The following LRP4 variants were observed in gnomAD, a reference collection of about 807,000 sequenced individuals.
LRP4 encodes the protein LDL receptor related protein 4, also known as low-density lipoprotein receptor-related protein 4.
Under a neutral mutation model 220.3 loss-of-function variants are expected in LRP4, and 95 were observed. The observed-to-expected ratio is 0.43, with a 90% CI of 0.37 to 0.51. LRP4 has a LOEUF of 0.51. Ranked by LOEUF, LRP4 falls within the 20% of genes least tolerant of loss-of-function variation. LRP4 has a pLI of 0.00. For missense variants in LRP4, 1,925 were observed against 2,567.0 expected (o/e 0.75, Z 5.40); for synonymous variants, 903 against 954.6 (o/e 0.95, Z 1.00).
chr11:46,879,041 G>A lies in LRP4; in HGVS notation c.3005-3C>T. 6.2e-7 allele frequency: 1 copy of A among 1,614,242 alleles called. No homozygotes were observed. On this transcript the variant is annotated splice_region_variant and splice_polypyrimidine_tract_variant and intron_variant, in intron 21 of 37. Transcript: ENST00000378623. ...CTCCATAGCACATGGTGTAGACACT[G>A]GGTAGAGAGGAGGGGATGTTCAATG...
intron 22 of LRP4, among the ~76,000 whole-genome samples, chr11:46,878,129 G>C (rs750684757): frequency 9.2e-5 from 14 of 152,040 alleles, no homozygotes; most frequent in Admixed American, 1.3e-4. Context: ...GGGTAGCCAG[G>C]TACTGCTTCT....
chr11:46,897,716 A>G (rs1407174407), intron 7 of LRP4, among the ~76,000 whole-genome samples: 2 of 152,072 alleles, frequency 1.3e-5, no homozygotes, highest in Non-Finnish European at 2.9e-5. Flanking sequence ...ACAGGATCCC[A>G]AGGCAGAAGA....
chr11:46,868,904 A>G, intron 32 of LRP4, 84 bp downstream of exon 32: 1 of 1,578,490 alleles, frequency 6.3e-7, no homozygotes. Flanking sequence ...TGTGGCCCTA[A>G]CTGTCTTGGT....
intron 16 of LRP4, among the ~76,000 whole-genome samples, chr11:46,887,483 G>A (rs909998462): frequency 2.0e-5 from 3 of 152,134 alleles, no homozygotes; most frequent in African/African-American, 7.2e-5. Flanking sequence ...GTCATTGCTT[G>A]GGCTCAGGAG....
At chr11:46,880,563 C>T (rs376250963) in intron 20 of LRP4, among the ~76,000 whole-genome samples, 1 of 152,086 alleles carries the variant, frequency 6.6e-6, no homozygotes, top group Non-Finnish European at 1.5e-5. Context: ...GTCGCAGTTA[C>T]AGTGGGCCAT....
rs4752946 is a variant in LRP4, at chr11:46,875,357, G to T, written c.3925+99C>A. ...GCTTAAACAGGTCACCGTCTTTCTG[G>T]CTGTAAAGGAGCTCTGTGCTCTGGA... On this transcript the variant is annotated intron_variant, in intron 27 of 37. Transcript: ENST00000378623. This position sits in a 1 kb window ranked among gnomAD's most constrained non-coding sequence, Gnocchi z 4.5. 1 of 1,133,236 alleles carries T rather than the reference G, an allele frequency of 8.8e-7. No homozygotes were observed. The highest frequency in any genetic ancestry group is 1.3e-6 in the Non-Finnish European group (1 of 767,412). 70.2% of individuals were successfully genotyped at this position (1,133,236 alleles called of 1,614,324 possible).
intron 1 of LRP4, among the ~76,000 whole-genome samples, chr11:46,910,045 G>A (rs1183990607): frequency 1.3e-5 from 2 of 152,156 alleles, no homozygotes; most frequent in Admixed American, 6.5e-5. Flanking sequence ...AACTTGGTTG[G>A]TTTGGAAAAT....
At chr11:46,889,861 AAG>A in intron 15 of LRP4, 81 bp downstream of exon 15, 1 of 1,483,948 alleles carries the variant, frequency 6.7e-7, no homozygotes, top group Non-Finnish European at 9.4e-7. Flanking sequence ...TGGCAACTCT[AAG>A]GGGAAGGAAG....
At position 46,875,064 on chromosome 11, in the gene LRP4, T is replaced by A; in HGVS notation, c.3965A>T (p.His1322Leu). The change falls in exon 28 of 38, where the codon CAC (histidine) becomes CTC (leucine). Residue 1322 changes from histidine to leucine, a missense_variant. By Grantham distance (99) the His-to-Leu change is moderately conservative. Transcript: ENST00000378623. This position sits in a 1 kb window ranked among gnomAD's most constrained non-coding sequence, Gnocchi z 4.5. Reference protein sequence around the residue: ...KCGSRNGGCSHLCLPRPSGFS... With the variant: ...KCGSRNGGCSLLCLPRPSGFS... ...GCCAGAAGGCCGAGGCAAGCAGAGG[T>A]GGGAGCAGCCGCCATTTCTCGAGCC... 4 of 1,608,366 alleles carry A rather than the reference T, an allele frequency of 2.5e-6. No individual in the cohort carries two copies. Among genetic ancestry groups the A allele is most frequent in the Non-Finnish European group, 3.4e-6 (4 of 1,178,682 alleles).
Position 46,868,097 on chromosome 11 carries a change from G to C in LRP4, c.4969C>G (p.Pro1657Ala), listed in dbSNP as rs1355733188. ...PCSLVPGLVPPAPRATGMSEK... is the reference protein window; with the variant it reads ...PCSLVPGLVPAAPRATGMSEK... ...CTCATGCCAGTAGCCCTAGGAGCTG[G>C]TGGTACCAGGCCAGGCACTAGACAA... The change falls in exon 34 of 38, where the codon CCA (proline) becomes GCA (alanine). Residue 1657 changes from proline to alanine, a missense_variant. By Grantham distance (27) the Pro-to-Ala change is conservative. Transcript: ENST00000378623. The C allele has an allele frequency of 6.2e-7, 1 of 1,614,118 alleles. No individual in the cohort carries two copies. The highest frequency in any genetic ancestry group is 1.7e-5 in the Admixed American group (1 of 60,010).
At chr11:46,868,890 C>A (rs2134777356) in intron 32 of LRP4, 98 bp downstream of exon 32, 3 of 1,532,530 alleles carry the variant, frequency 2.0e-6, no homozygotes, top group Non-Finnish European at 1.8e-6. Context: ...CCAAGAAGCT[C>A]TCTTGTGGCC....
In LRP4 at chr11:46,868,703, G is replaced by A; in HGVS notation, c.4848C>T (p.Ala1616=). The A allele has an allele frequency of 6.2e-7, 1 of 1,613,038 alleles. No individual in the cohort carries two copies. The highest frequency in any genetic ancestry group is 8.5e-7 in the Non-Finnish European group (1 of 1,178,994). Residue 1616 remains alanine, a synonymous_variant, in exon 33 of 38, where the codon GCC becomes GCT. Transcript: ENST00000378623. ...TGCAGCCACCATTGTTCACACCACAGGCATTGGTCCCTGGAGGCAAAGTAG... is the reference window on the plus strand; with the variant it reads ...TGCAGCCACCATTGTTCACACCACAAGCATTGGTCCCTGGAGGCAAAGTAG... ...VSPQRQTGTN[A]CGVNNGGCTH...
chr11:46,889,903 C>T (rs750640657), intron 15 of LRP4, 41 bp downstream of exon 15: 20 of 1,612,892 alleles, frequency 1.2e-5, no homozygotes, highest in Non-Finnish European at 1.5e-5. Context: ...GCCACCTCAA[C>T]CATGAGGCTA....
At position 46,856,783 on chromosome 11, in the gene LRP4, G is replaced by C. The variant is rs1326521192; in HGVS notation, c.*2200C>G. 1 of 152,516 alleles carries C rather than the reference G, an allele frequency of 6.6e-6. No individual in the cohort carries two copies. The highest frequency in any genetic ancestry group is 1.5e-5 in the Non-Finnish European group (1 of 68,058). The allele number at this position is 152,516 out of a possible 1,614,324, so 9.4% of individuals were successfully genotyped here. ...CCACATCCACAAAGGACTTAAAAGT[G>C]ATGTCTGTAAGCAGGTTTTCCACAG... On this transcript the variant is annotated 3_prime_UTR_variant, in exon 38 of 38. Coordinates refer to ENST00000378623, the MANE Select transcript of LRP4 (RefSeq NM_002334.4). The surrounding 1 kb of genome is among the most constrained non-coding windows in gnomAD (Gnocchi z 4.1).
At chr11:46,897,870 T>C (rs1292664986) in intron 7 of LRP4, among the ~76,000 whole-genome samples, 1 of 152,256 alleles carries the variant, frequency 6.6e-6, no homozygotes, top group Non-Finnish European at 1.5e-5. Flanking sequence ...TCATGGCCCG[T>C]TCTCAATGAG....
chr11:46,872,978 A>G (rs2134787951), intron 30 of LRP4, 122 bp downstream of exon 30: 1 of 1,347,262 alleles, frequency 7.4e-7, no homozygotes, highest in Non-Finnish European at 1.1e-6. Flanking sequence ...ATCCTTCTCA[A>G]TGATTCCTCT....
intron 31 of LRP4, among the ~76,000 whole-genome samples, chr11:46,871,233 T>C (rs907474156): frequency 6.6e-6 from 1 of 152,140 alleles, no homozygotes; most frequent in East Asian, 1.9e-4. Flanking sequence ...CTATAATCTC[T>C]ATAGTCAGGG....
Position 46,867,995 on chromosome 11 carries a change from C to T in LRP4, c.5071G>A (p.Glu1691Lys), listed in dbSNP as rs528376810. The change falls in exon 34 of 38, where the codon GAG (glutamate) becomes AAG (lysine). Residue 1691 changes from glutamate (E) to lysine (K), a missense_variant. Coordinates refer to ENST00000378623, the MANE Select transcript of LRP4 (RefSeq NM_002334.4). ...CCTATTTACCTTCCTTCCACCTCCTCCAGAGACGTGCGGGTCCGGGTGGTT... is the reference window on the plus strand; with the variant it reads ...CCTATTTACCTTCCTTCCACCTCCTTCAGAGACGTGCGGGTCCGGGTGGTT... ...SSTTRTRTSLEEVEGRCSERD... is the reference protein window; with the variant it reads ...SSTTRTRTSLKEVEGRCSERD... 1.8e-4 allele frequency: 295 copies of T among 1,614,174 alleles called. 4 individuals are homozygous for T. The South Asian group carries it at 3.2e-3, about 17-fold the overall frequency.
At position 46,890,167 on chromosome 11, in the gene LRP4, T is replaced by A. The variant is rs1187346945; in HGVS notation, c.1916-47A>T. ...CTCAGTCTGGACGTGGTCTGCCATG[T>A]CCCCTGGGCCCAGGCCTGGCAACTA... On this transcript the variant is annotated intron_variant, in intron 14 of 37. Coordinates refer to ENST00000378623, the MANE Select transcript of LRP4 (RefSeq NM_002334.4). This position sits in a 1 kb window ranked among gnomAD's most constrained non-coding sequence, Gnocchi z 5.3. The A allele has an allele frequency of 2.5e-6, 4 of 1,608,804 alleles. No individual in the cohort carries two copies. Among genetic ancestry groups the A allele is most frequent in the Non-Finnish European group, 3.4e-6 (4 of 1,175,526 alleles).
Sources: allele counts gnomAD v4.1 joint callset (sites outside exome capture counted in the v4.1 genomes callset), GRCh38; gene constraint gnomAD v4.1.1; non-coding constraint Gnocchi (gnomAD v3.1); transcripts MANE v1.5; gene names NCBI Gene and HGNC (gene_info 2026-07-23, HGNC 2026-07-21).